Variants in SEC24B observed in about 807,000 individuals in gnomAD.
SEC24B encodes protein transport protein Sec24B.
A neutral mutation model predicts 142.8 loss-of-function variants in SEC24B; 45 were observed. The ratio of observed to expected loss-of-function variants is 0.32; its 90% CI spans 0.25 to 0.40. The LOEUF (loss-of-function observed/expected upper bound fraction) is 0.40. SEC24B is among the 10% of genes least tolerant of loss of function. SEC24B has a pLI of 1.00. For missense variants in SEC24B, 1,409 were observed against 1,526.8 expected (o/e 0.92, Z 1.29); for synonymous variants, 574 against 568.2 (o/e 1.01, Z -0.15).
intron 2 of SEC24B, among the ~76,000 whole-genome samples, chr4:109,472,240 C>T (rs1038720002): frequency 3.9e-5 from 6 of 152,170 alleles, no homozygotes; most frequent in African/African-American, 1.4e-4. Flanking sequence ...TATATCGTGA[C>T]TGCTCACCAG....
intron 4 of SEC24B, among the ~76,000 whole-genome samples, chr4:109,484,588 C>T (rs930353180): frequency 6.6e-6 from 1 of 152,112 alleles, no homozygotes; most frequent in Admixed American, 6.5e-5. Flanking sequence ...CAGTGGCTCA[C>T]GCCTGTAATC....
chr4:109,472,364 A>G (rs181261348), intron 2 of SEC24B, among the ~76,000 whole-genome samples: 1 of 152,190 alleles, frequency 6.6e-6, no homozygotes, highest in Non-Finnish European at 1.5e-5. Context: ...TCTAGGAGAC[A>G]TTTGGTATTT....
intron 1 of SEC24B, among the ~76,000 whole-genome samples, chr4:109,454,563 AAAAC>A (rs1212494056): frequency 6.6e-5 from 10 of 151,842 alleles, no homozygotes; most frequent in Admixed American, 2.6e-4. Flanking sequence ...AAAGAAAAAT[AAAAC>A]AAAACTCCAA....
At chr4:109,531,625 A>C in intron 20 of SEC24B, 103 bp downstream of exon 20, 1 of 826,450 alleles carries the variant, frequency 1.2e-6, no homozygotes, top group Non-Finnish European at 1.9e-6. Flanking sequence ...TTTCTTTTTA[A>C]CTCTTTTTCC....
chr4:109,531,900 C>G (rs536845303), intron 20 of SEC24B, among the ~76,000 whole-genome samples: 1 of 152,216 alleles, frequency 6.6e-6, no homozygotes, highest in African/African-American at 2.4e-5. Flanking sequence ...TGCTGTGTCA[C>G]CCAGGCTGGA....
At chr4:109,491,941 A>T (rs1157027511) in intron 5 of SEC24B, among the ~76,000 whole-genome samples, 1 of 152,130 alleles carries the variant, frequency 6.6e-6, no homozygotes, top group Admixed American at 6.6e-5. Flanking sequence ...AGAAAAAACT[A>T]TCATTTCATT....
chr4:109,463,710 T>C (rs1731557590), intron 2 of SEC24B, 66 bp downstream of exon 2: 1 of 1,546,384 alleles, frequency 6.5e-7, no homozygotes, highest in Non-Finnish European at 8.7e-7. Flanking sequence ...TAAGTTATTA[T>C]TTACATGAAG....
At chr4:109,441,596 T>A (rs6817954) in intron 1 of SEC24B, among the ~76,000 whole-genome samples, 103,362 of 151,922 alleles carry the variant, frequency 0.68, 40,698 homozygotes, top group East Asian at 0.89. Flanking sequence ...TATGCCCAGC[T>A]AATTTTTGTA....
intron 14 of SEC24B, among the ~76,000 whole-genome samples, 186 bp from the exon 15 acceptor site, chr4:109,524,632 C>T (rs1446610392): frequency 6.6e-6 from 1 of 151,962 alleles, no homozygotes; most frequent in Non-Finnish European, 1.5e-5. Flanking sequence ...AGTGCTGGCA[C>T]ATAAGTGTTT....
At chr4:109,467,974 T>C (rs965055788) in intron 2 of SEC24B, among the ~76,000 whole-genome samples, 1 of 152,176 alleles carries the variant, frequency 6.6e-6, no homozygotes, top group African/African-American at 2.4e-5. Context: ...TAAATAAAAG[T>C]CCACTACACG....
At chr4:109,449,246 G>A (rs1347646477) in intron 1 of SEC24B, among the ~76,000 whole-genome samples, 1 of 151,982 alleles carries the variant, frequency 6.6e-6, no homozygotes, top group Non-Finnish European at 1.5e-5. Flanking sequence ...TCTTCTTTGA[G>A]GCAGTGTCTC....
rs76624614 is a variant in SEC24B, at chr4:109,506,967, A to G, written c.1673+455A>G. On this transcript the variant is annotated intron_variant, in intron 7 of 23. Transcript: ENST00000265175. ...AGAATTTTCTTTTCCCACTCAATAT[A>G]GAGTATGAAGACCTTTGACTCCCAG... is the stretch of plus-strand genomic sequence containing the variant. 5.4e-3 allele frequency among the ~76,000 whole-genome samples: 822 copies of G among 152,214 alleles called. 13 individuals carry two copies. The highest frequency in any genetic ancestry group is 0.018 in the African/African-American group (759 of 41,528).
intron 11 of SEC24B, among the ~76,000 whole-genome samples, chr4:109,519,654 G>A (rs1723393543): frequency 6.6e-6 from 1 of 152,174 alleles, no homozygotes; most frequent in African/African-American, 2.4e-5. Context: ...TCACCATACT[G>A]GTAAGCTGAA....
rs374807980 is a variant in SEC24B, at chr4:109,526,321, C to A, written c.2887C>A (p.Gln963Lys). The part of the protein sequence containing the change: ...NINPDAGFAV[Q>K]LSIEESLTDT... ...CAATCCTGATGCTGGATTTGCGGTG[C>A]AGTTGTCAATTGAAGAAAGTTTAAC... The change falls in exon 17 of 24, where the codon CAG becomes AAG. Residue 963 changes from glutamine (Q) to lysine (K), a missense_variant. Physicochemically the swap from Gln to Lys is moderately conservative, Grantham distance 53. Transcript: ENST00000265175. 16 of 1,613,756 alleles carry A rather than the reference C, an allele frequency of 9.9e-6. No homozygotes were observed. Among genetic ancestry groups the A allele is most frequent in the Non-Finnish European group, 1.1e-5 (13 of 1,179,866 alleles).
intron 14 of SEC24B, among the ~76,000 whole-genome samples, chr4:109,522,759 GTATA>G (rs916648686): frequency 1.2e-4 from 18 of 152,262 alleles, no homozygotes; most frequent in African/African-American, 4.3e-4. Flanking sequence ...GTGTGTGTGT[GTATA>G]TATATGTGTG....
At chr4:109,481,244 G>C (rs938463458) in intron 3 of SEC24B, among the ~76,000 whole-genome samples, 2 of 152,070 alleles carry the variant, frequency 1.3e-5, no homozygotes, top group African/African-American at 4.8e-5. Context: ...AGAAGGAAGG[G>C]GTACCACGTA....
At chr4:109,446,191 G>A (rs1729441097) in intron 1 of SEC24B, among the ~76,000 whole-genome samples, 2 of 152,184 alleles carry the variant, frequency 1.3e-5, no homozygotes, top group African/African-American at 4.8e-5. Flanking sequence ...TCTTGAGATG[G>A]GGTTTTCCTG....
intron 4 of SEC24B, among the ~76,000 whole-genome samples, chr4:109,483,824 A>G (rs1360270158): frequency 6.6e-6 from 1 of 152,226 alleles, no homozygotes; most frequent in Non-Finnish European, 1.5e-5. Flanking sequence ...CAAAATTTCA[A>G]ACTCACAGAA....
At chr4:109,438,905 C>T (rs1728660170) in intron 1 of SEC24B, among the ~76,000 whole-genome samples, 1 of 151,990 alleles carries the variant, frequency 6.6e-6, no homozygotes, top group African/African-American at 2.4e-5. Flanking sequence ...TATTTCTTAC[C>T]TTTTACTCTG....
Sources: allele counts gnomAD v4.1 joint callset (sites outside exome capture counted in the v4.1 genomes callset), GRCh38; gene constraint gnomAD v4.1.1; transcripts MANE v1.5; gene names NCBI Gene and HGNC (gene_info 2026-07-23, HGNC 2026-07-21).